TEKT5: variants seen among roughly 807,000 people sequenced by gnomAD.
TEKT5 encodes the protein tektin-5.
A neutral mutation model predicts 48.7 loss-of-function variants in TEKT5; 52 were observed. That is an observed-to-expected ratio of 1.07 (90% CI 0.86 to 1.35). The LOEUF (loss-of-function observed/expected upper bound fraction) is 1.35. Ranked by LOEUF, TEKT5 falls within the 40% of genes most tolerant of loss-of-function variation. TEKT5 has a pLI of 0.00. For synonymous variants in TEKT5, 318 were observed against 267.6 expected (o/e 1.19, Z -1.84); for missense variants, 831 against 641.6 (o/e 1.30, Z -3.19).
chr16:10,637,200 T>A (rs1897927401), intron 5 of TEKT5, among the ~76,000 whole-genome samples: 1 of 151,780 alleles, frequency 6.6e-6, no homozygotes, highest in Admixed American at 6.6e-5. Flanking sequence ...TACCCAGGAT[T>A]GATTTTTGTA....
At chr16:10,643,128 C>A (rs1343307836) in intron 5 of TEKT5, among the ~76,000 whole-genome samples, 1 of 152,096 alleles carries the variant, frequency 6.6e-6, no homozygotes, top group Non-Finnish European at 1.5e-5. Flanking sequence ...TGCCTGTAAT[C>A]CCAGCACTTT....
Position 10,635,901 on chromosome 16 carries a change from G to A in TEKT5, c.1104C>T (p.Phe368=). 1 of 1,613,972 alleles carries A rather than the reference G, an allele frequency of 6.2e-7. No homozygotes were observed. Residue 368 remains phenylalanine, a synonymous_variant, in exon 6 of 7, where the codon TTC becomes TTT. Transcript: ENST00000283025. ...GCAGCATGATGGTGTTCTCGGCCTG[G>A]AAGATCTCCTGCAGCGTCTGCGAGG... ...TQLAKTLQEI[F]QAENTIMLLE...
At chr16:10,685,227 C>T (rs1898841357) in intron 3 of TEKT5, among the ~76,000 whole-genome samples, 1 of 152,210 alleles carries the variant, frequency 6.6e-6, no homozygotes, top group African/African-American at 2.4e-5. Flanking sequence ...CTTTCTCTCT[C>T]TCCTGCTGTC....
intron 4 of TEKT5, among the ~76,000 whole-genome samples, chr16:10,678,912 T>A (rs1898696361): frequency 6.6e-6 from 1 of 152,172 alleles, no homozygotes; most frequent in Non-Finnish European, 1.5e-5. Context: ...CTGGAGTCTT[T>A]GTTCTCTAAA....
chr16:10,682,069 C>A lies in TEKT5; in HGVS notation c.787G>T (p.Asp263Tyr). The change falls in exon 4 of 7, where the codon GAT (aspartate) becomes TAT (tyrosine). Residue 263 changes from aspartate to tyrosine, a missense_variant. Coordinates refer to ENST00000283025, the MANE Select transcript of TEKT5 (RefSeq NM_144674.2). ...LEDKSSAQCI[D>Y]EKCFNLRNTS... ...TTTCTCAGGTTAAAGCACTTCTCAT[C>A]GATACACTGGGCCGAGCTTTTGTCT... The A allele has an allele frequency of 1.9e-6, 3 of 1,614,170 alleles. No homozygotes were observed. The highest frequency in any genetic ancestry group is 2.5e-6 in the Non-Finnish European group (3 of 1,180,036).
intron 5 of TEKT5, among the ~76,000 whole-genome samples, chr16:10,648,125 A>G (rs1212827633): frequency 6.6e-6 from 1 of 152,190 alleles, no homozygotes; most frequent in African/African-American, 2.4e-5. Flanking sequence ...GGCCACAAAA[A>G]AAGGCACCAT....
chr16:10,638,428 C>G (rs1897946026), intron 5 of TEKT5, among the ~76,000 whole-genome samples: 1 of 151,138 alleles, frequency 6.6e-6, no homozygotes, highest in Non-Finnish European at 1.5e-5. Context: ...GTCTTGACAC[C>G]CCTTCCCAGA....
chr16:10,631,740 G>A (rs557385498), intron 6 of TEKT5, among the ~76,000 whole-genome samples: 79 of 152,242 alleles, frequency 5.2e-4, no homozygotes, highest in Non-Finnish European at 1.0e-4. Context: ...GGCAGAGATG[G>A]GAGCGATGCG....
intron 5 of TEKT5, among the ~76,000 whole-genome samples, chr16:10,666,235 G>A (rs1898454672): frequency 6.6e-6 from 1 of 152,130 alleles, no homozygotes; most frequent in African/African-American, 2.4e-5. Flanking sequence ...GTTTATAAGA[G>A]GGCAATTGGC....
At chr16:10,637,873 C>T (rs1424720074) in intron 5 of TEKT5, among the ~76,000 whole-genome samples, 1 of 152,216 alleles carries the variant, frequency 6.6e-6, no homozygotes, top group East Asian at 1.9e-4. Flanking sequence ...TGCAGTTGCG[C>T]AATCGCAGCT....
intron 5 of TEKT5, among the ~76,000 whole-genome samples, chr16:10,657,387 C>T (rs1482897955): frequency 6.6e-6 from 1 of 151,928 alleles, no homozygotes; most frequent in Non-Finnish European, 1.5e-5. Context: ...CTTGGCCTTC[C>T]AAAGTGCTAG....
chr16:10,663,940 A>C (rs539385317), intron 5 of TEKT5, among the ~76,000 whole-genome samples: 11 of 152,214 alleles, frequency 7.2e-5, no homozygotes, highest in Non-Finnish European at 1.5e-4. Context: ...AGGCCAGCAC[A>C]TGCATCAGCT....
At chr16:10,685,958 T>C (rs1898855926) in intron 3 of TEKT5, among the ~76,000 whole-genome samples, 1 of 152,196 alleles carries the variant, frequency 6.6e-6, no homozygotes, top group Non-Finnish European at 1.5e-5. Context: ...TGGGATTAGT[T>C]CACTCTGCCG....
rs760617588 is a variant in TEKT5, at chr16:10,694,870, C to T, written c.4G>A (p.Glu2Lys). The part of the protein sequence containing the change: M[E>K]FLGTTQTASY... The stretch of plus-strand genomic sequence containing the variant: ...GCGGTCTGAGTAGTCCCAAGAAACT[C>T]CATCCTCCCTCATGAGCCCCACTCG... The change falls in exon 1 of 7, where the codon GAG becomes AAG. Residue 2 changes from glutamate to lysine, a missense_variant. By Grantham distance (56) the Glu-to-Lys change is moderately conservative. Transcript: ENST00000283025. 2 of 1,547,422 alleles carry T rather than the reference C, an allele frequency of 1.3e-6. No individual in the cohort carries two copies. The highest frequency in any genetic ancestry group is 2.0e-5 in the Admixed American group (1 of 49,494).
At chr16:10,683,766 T>G (rs989434534) in intron 3 of TEKT5, among the ~76,000 whole-genome samples, 6 of 152,120 alleles carry the variant, frequency 3.9e-5, no homozygotes, top group Admixed American at 1.3e-4. Context: ...GATTTTTGTG[T>G]TTTTTTAGTA....
chr16:10,681,006 T>C (rs1898737096), intron 4 of TEKT5, among the ~76,000 whole-genome samples: 1 of 120,898 alleles, frequency 8.3e-6, no homozygotes, highest in African/African-American at 3.1e-5. Context: ...ACTTAAAGTA[T>C]AATAATAATA....
intron 5 of TEKT5, among the ~76,000 whole-genome samples, chr16:10,655,601 C>T (rs985924638): frequency 6.6e-6 from 1 of 152,204 alleles, no homozygotes; most frequent in Non-Finnish European, 1.5e-5. Context: ...TCCAGGCTCC[C>T]TTGTAGCTCC....
intron 4 of TEKT5, among the ~76,000 whole-genome samples, chr16:10,678,036 A>ATC (rs1356850420): frequency 3.3e-5 from 5 of 152,186 alleles, no homozygotes; most frequent in Admixed American, 2.0e-4. Context: ...GAGCATGTAA[A>ATC]TCCCTGCAAC....
At chr16:10,659,743 T>C (rs62025797) in intron 5 of TEKT5, among the ~76,000 whole-genome samples, 63,589 of 151,920 alleles carry the variant, frequency 0.42, 13,502 homozygotes, top group African/African-American at 0.51. Context: ...AAGAAAACCA[T>C]GAAAGGCCTG....
Sources: gnomAD v4.1 joint callset for allele counts (sites outside exome capture counted in the v4.1 genomes callset) on GRCh38, gnomAD v4.1.1 for gene constraint, MANE v1.5 for transcripts, NCBI Gene and HGNC (gene_info 2026-07-23, HGNC 2026-07-21) for gene names.